Variants in CD200R1 observed in about 807,000 individuals in gnomAD.
CD200R1 encodes CD200 receptor 1, also known as cell surface glycoprotein CD200 receptor 1.
CD200R1 carries 30 observed loss-of-function variants against 38.1 expected under a neutral mutation model. That is an observed-to-expected ratio of 0.79 (90% CI 0.59 to 1.07). The LOEUF (loss-of-function observed/expected upper bound fraction) is 1.07, where lower values mean the gene tolerates loss of function less well. CD200R1 is among the 50% of genes least tolerant of loss of function. The probability of loss-of-function intolerance (pLI) is 0.00; values close to 1 mark genes in which losing one functional copy is unlikely to be tolerated. For synonymous variants in CD200R1, 128 were observed against 152.1 expected (o/e 0.84, Z 1.16); for missense variants, 372 against 415.4 (o/e 0.90, Z 0.91).
chr3:112,963,410 T>C (rs987652634), intron 1 of CD200R1, among the ~76,000 whole-genome samples: 2 of 152,196 alleles, frequency 1.3e-5, no homozygotes, highest in African/African-American at 2.4e-5. Context: ...ATGCTGATAA[T>C]GATACGGACA....
chr3:112,946,771 A>G (rs189349008), intron 2 of CD200R1, among the ~76,000 whole-genome samples: 3 of 152,286 alleles, frequency 2.0e-5, no homozygotes, highest in Admixed American at 6.5e-5. Context: ...CAATCCAACA[A>G]TCATGCTTTT....
In CD200R1 at chr3:112,939,811, T is replaced by C. The variant is rs182689156; in HGVS notation, c.136+8045A>G. On this transcript the variant is annotated intron_variant, in intron 2 of 7. Coordinates refer to ENST00000308611, the MANE Select transcript of CD200R1 (RefSeq NM_138806.4). ...TAGAAAAAAAATCCTGAAATTTACA[T>C]GGAACCACAAAAGACCCGAAACAGC... Among the ~76,000 whole-genome samples the C allele has an allele frequency of 3.1e-4, 42 of 135,028 alleles. No individual in the cohort carries two copies. In the East Asian group the frequency reaches 8.9e-3, roughly 29 times the overall value. 88.6% of individuals were successfully genotyped at this position (135,028 alleles called of 152,430 possible).
At chr3:112,926,682 C>T (rs74284587) in intron 5 of CD200R1, among the ~76,000 whole-genome samples, 6,105 of 152,182 alleles carry the variant, frequency 0.04, 266 homozygotes, top group East Asian at 0.22. Flanking sequence ...ACACATATGA[C>T]TTAAATGATA....
chr3:112,923,732 A>G lies in CD200R1; in HGVS notation c.992T>C (p.Val331Ala). 6.2e-7 allele frequency: 1 copy of G among 1,609,306 alleles called. No individual in the cohort carries two copies. Residue 331 changes from valine to alanine, a missense_variant, in exon 8 of 8, where the codon GTG becomes GCG. Coordinates refer to ENST00000308611, the MANE Select transcript of CD200R1 (RefSeq NM_138806.4). ...ACTTTGTAATGCCTCAGATGCCTTC[A>G]CCTTGTTTGTAGTATCATAGAGAGG... ...NNPLYDTTNKVKASEALQSEV... is the reference protein window; with the variant it reads ...NNPLYDTTNKAKASEALQSEV...
chr3:112,952,755 G>A (rs1428177757), intron 1 of CD200R1, among the ~76,000 whole-genome samples: 1 of 151,996 alleles, frequency 6.6e-6, no homozygotes, highest in Non-Finnish European at 1.5e-5. Flanking sequence ...CCTGCACATT[G>A]TGCACATGTA....
chr3:112,965,216 C>A (rs1052010329), intron 1 of CD200R1, among the ~76,000 whole-genome samples: 3 of 152,100 alleles, frequency 2.0e-5, no homozygotes, highest in African/African-American at 7.2e-5. Context: ...AATTAAGAAG[C>A]TTTGTGATTT....
intron 1 of CD200R1, among the ~76,000 whole-genome samples, chr3:112,968,341 A>G (rs1468149956): frequency 6.6e-6 from 1 of 152,220 alleles, no homozygotes; most frequent in Non-Finnish European, 1.5e-5. Flanking sequence ...TAAAAATACA[A>G]TAATATTTTA....
Position 112,928,997 on chromosome 3 carries a change from C to T in CD200R1, c.588G>A (p.Lys196=). 6.2e-7 allele frequency: 1 copy of T among 1,613,994 alleles called. No individual in the cohort carries two copies. Among genetic ancestry groups the T allele is most frequent in the South Asian group, 1.1e-5 (1 of 91,082 alleles). The change falls in exon 5 of 8, where the codon AAG becomes AAA. Residue 196 remains lysine (K), a synonymous_variant. Coordinates refer to ENST00000308611, the MANE Select transcript of CD200R1 (RefSeq NM_138806.4). ...RTAVCKAVAG[K]PAAHISWIPE... Reference sequence around the variant, plus strand: ...GGATCCAGGAGATATGCGCAGCTGGCTTCCCTGCAACTGCCTTGCATACTG... The same window carrying T: ...GGATCCAGGAGATATGCGCAGCTGGTTTCCCTGCAACTGCCTTGCATACTG...
At chr3:112,933,922 A>G (rs1940515282) in intron 2 of CD200R1, among the ~76,000 whole-genome samples, 1 of 152,064 alleles carries the variant, frequency 6.6e-6, no homozygotes, top group African/African-American at 2.4e-5. Flanking sequence ...GAAATAATAC[A>G]TGAGGATTTT....
Position 112,929,460 on chromosome 3 carries a change from A to T in CD200R1, c.250T>A (p.Cys84Ser), listed in dbSNP as rs1940370557. The T allele has an allele frequency of 1.2e-6, 2 of 1,613,842 alleles. No homozygotes were observed. Among genetic ancestry groups the T allele is most frequent in the Non-Finnish European group, 1.7e-6 (2 of 1,179,812 alleles). Residue 84 changes from cysteine (C) to serine (S), a missense_variant, in exon 4 of 8, where the codon TGC becomes AGC. Transcript: ENST00000308611. Reference sequence around the variant, plus strand: ...AAATTTCTTAATGCGATAGGAGGGCAACAAAGCACAGCATTTGTAGCCATC... The same window carrying T: ...AAATTTCTTAATGCGATAGGAGGGCTACAAAGCACAGCATTTGTAGCCATC... ...VKMATNAVLC[C>S]PPIALRNLII...
intron 1 of CD200R1, among the ~76,000 whole-genome samples, chr3:112,950,032 GAAAATATATTTCACATC>G (rs1437941535): frequency 1.3e-5 from 2 of 152,166 alleles, no homozygotes; most frequent in East Asian, 3.8e-4. Context: ...TTAGTCATAT[GAAAATATATTTCACATC>G]AGTCATGGTA....
intron 1 of CD200R1, among the ~76,000 whole-genome samples, chr3:112,958,658 A>G (rs116260913): frequency 5.9e-5 from 9 of 152,308 alleles, no homozygotes; most frequent in African/African-American, 2.2e-4. Context: ...AAAGGAGATA[A>G]CTAAAAACAG....
intron 2 of CD200R1, among the ~76,000 whole-genome samples, chr3:112,944,622 A>G (rs917406190): frequency 6.6e-6 from 1 of 152,062 alleles, no homozygotes; most frequent in African/African-American, 2.4e-5. Context: ...CTAATTCACC[A>G]CTGGAATTTC....
chr3:112,944,195 A>G (rs1940790363), intron 2 of CD200R1, among the ~76,000 whole-genome samples: 1 of 151,944 alleles, frequency 6.6e-6, no homozygotes, highest in South Asian at 2.1e-4. Flanking sequence ...ACAAAAAAGA[A>G]AACCACAGAC....
intron 5 of CD200R1, 88 bp from the exon 6 acceptor site, chr3:112,925,281 T>A: frequency 1.5e-6 from 1 of 668,104 alleles, no homozygotes; most frequent in Non-Finnish European, 2.6e-6. Flanking sequence ...AAATGAGCTA[T>A]CAAACCATAA....
chr3:112,965,743 G>A (rs992221113), intron 1 of CD200R1, among the ~76,000 whole-genome samples: 5 of 151,960 alleles, frequency 3.3e-5, no homozygotes, highest in African/African-American at 1.2e-4. Flanking sequence ...CCTGGCGACA[G>A]AGTGAGACTC....
chr3:112,939,019 AGG>A (rs1940654468), intron 2 of CD200R1, among the ~76,000 whole-genome samples: 1 of 152,038 alleles, frequency 6.6e-6, no homozygotes, highest in Non-Finnish European at 1.5e-5. Flanking sequence ...AACAAAAACT[AGG>A]TGATTATTTT....
chr3:112,929,548 A>C, intron 3 of CD200R1, 41 bp from the exon 4 acceptor site: 1 of 1,527,126 alleles, frequency 6.5e-7, no homozygotes, highest in Non-Finnish European at 8.8e-7. Context: ...AGCTTGATAA[A>C]GAACTTCATG....
intron 2 of CD200R1, among the ~76,000 whole-genome samples, chr3:112,939,422 C>T (rs2107316018): frequency 6.6e-6 from 1 of 151,914 alleles, no homozygotes; most frequent in South Asian, 2.1e-4. Context: ...TAAACAAATT[C>T]AATAAAGTTG....
Sources: allele counts gnomAD v4.1 joint callset (sites outside exome capture counted in the v4.1 genomes callset), GRCh38; gene constraint gnomAD v4.1.1; transcripts MANE v1.5; gene names NCBI Gene and HGNC (gene_info 2026-07-23, HGNC 2026-07-21).